Variants in REG4 observed in about 807,000 individuals in gnomAD.
REG4 encodes the protein regenerating islet-derived protein 4.
A neutral mutation model predicts 22.3 loss-of-function variants in REG4; 16 were observed. The observed-to-expected ratio is 0.72, with a 90% confidence interval of 0.49 to 1.09. The LOEUF is 1.09. Ranked by LOEUF, REG4 falls within the 50% of genes least tolerant of loss-of-function variation. REG4 has a pLI of 0.00. For missense variants in REG4, 214 were observed against 193.9 expected (o/e 1.10, Z -0.61); for synonymous variants, 71 against 69.2 (o/e 1.03, Z -0.13).
chr1:119,794,752 G>T, intron 5 of REG4, 67 bp from the exon 6 acceptor site: 2 of 1,408,426 alleles, frequency 1.4e-6, no homozygotes, highest in Non-Finnish European at 2.0e-6. Flanking sequence ...AGTTATCTGG[G>T]TGTTTTTCTT....
intron 5 of REG4, among the ~76,000 whole-genome samples, chr1:119,797,154 C>T (rs1653957907): frequency 6.6e-6 from 1 of 151,466 alleles, no homozygotes; most frequent in African/African-American, 2.4e-5. Context: ...TTTCTCACTA[C>T]TTCCTGGGGT....
At chr1:119,802,277 G>C in intron 3 of REG4, 1 of 929,896 alleles carries the variant, frequency 1.1e-6, no homozygotes, top group Non-Finnish European at 1.3e-6. Flanking sequence ...CTGTTTAAAT[G>C]TCGCAATCCT....
intron 4 of REG4, among the ~76,000 whole-genome samples, 189 bp from the exon 5 acceptor site, chr1:119,798,791 T>G (rs1432596747): frequency 6.6e-6 from 1 of 152,134 alleles, no homozygotes; most frequent in East Asian, 1.9e-4. Flanking sequence ...CCAATATTAC[T>G]GCAAAAAATA....
intron 4 of REG4, among the ~76,000 whole-genome samples, chr1:119,799,445 C>T (rs1411470453): frequency 1.6e-5 from 2 of 126,306 alleles, no homozygotes; most frequent in African/African-American, 5.9e-5. Flanking sequence ...CACACACACA[C>T]ACTTTTTAAG....
At chr1:119,795,150 C>T (rs587754716) in intron 5 of REG4, among the ~76,000 whole-genome samples, 1 of 152,342 alleles carries the variant, frequency 6.6e-6, no homozygotes, top group South Asian at 2.1e-4. Context: ...CATCCAACTA[C>T]TTCTGTTTCC....
intron 4 of REG4, among the ~76,000 whole-genome samples, chr1:119,799,068 T>C (rs1179964522): frequency 6.6e-6 from 1 of 152,138 alleles, no homozygotes; most frequent in Non-Finnish European, 1.5e-5. Context: ...AACGAATGTG[T>C]GGTATCTTCA....
intron 3 of REG4, chr1:119,802,599 G>A: frequency 8.3e-6 from 11 of 1,321,772 alleles, no homozygotes; most frequent in Non-Finnish European, 1.1e-5. Context: ...TTTGTGGACT[G>A]TGTAGAGCAG....
At chr1:119,807,486 T>C (rs1472450770) in intron 2 of REG4, among the ~76,000 whole-genome samples, 2 of 152,168 alleles carry the variant, frequency 1.3e-5, no homozygotes, top group Admixed American at 6.5e-5. Flanking sequence ...CCCCAGGATA[T>C]AGCTTGGGCA....
intron 5 of REG4, among the ~76,000 whole-genome samples, chr1:119,796,825 C>G (rs1027430350): frequency 6.6e-6 from 1 of 152,178 alleles, no homozygotes; most frequent in Non-Finnish European, 1.5e-5. Context: ...AACTTCGCTA[C>G]TGAATTTTGC....
At chr1:119,797,351 A>C (rs587776116) in intron 5 of REG4, among the ~76,000 whole-genome samples, 1 of 152,296 alleles carries the variant, frequency 6.6e-6, no homozygotes, top group East Asian at 1.9e-4. Flanking sequence ...ATGGCTGTTT[A>C]TCTCTGAGGG....
chr1:119,799,571 C>T (rs1654036254), intron 4 of REG4, among the ~76,000 whole-genome samples, 154 bp downstream of exon 4: 2 of 152,206 alleles, frequency 1.3e-5, no homozygotes, highest in South Asian at 4.1e-4. Flanking sequence ...GAACTGGGCC[C>T]CTGACCTTGA....
chr1:119,794,415 G>T lies in REG4; in HGVS notation c.*203C>A. 1 of 639,392 alleles carries T rather than the reference G, an allele frequency of 1.6e-6. No homozygotes were observed. Among genetic ancestry groups the T allele is most frequent in the Non-Finnish European group, 2.8e-6 (1 of 352,568 alleles). 39.6% of individuals were successfully genotyped at this position (639,392 alleles called of 1,614,324 possible). A position where few individuals can be genotyped will look rare whatever the true frequency, so the allele number is the denominator to read the frequency against. On this transcript the variant is annotated 3_prime_UTR_variant, in exon 6 of 6. Transcript: ENST00000256585. Reference sequence around the variant, plus strand: ...GAAGGATACTGTGGAAAGGGATGGCGGGGCAAACATTTAGAGCTAGAAGCC... The same window carrying T: ...GAAGGATACTGTGGAAAGGGATGGCTGGGCAAACATTTAGAGCTAGAAGCC...
At chr1:119,810,987 G>C (rs1195773517) in intron 1 of REG4, among the ~76,000 whole-genome samples, 1 of 152,188 alleles carries the variant, frequency 6.6e-6, no homozygotes, top group Non-Finnish European at 1.5e-5. Flanking sequence ...CTGGGAGGCA[G>C]AAGTTGCAGT....
intron 2 of REG4, 85 bp from the exon 3 acceptor site, chr1:119,803,250 C>A (rs1654179927): frequency 5.8e-6 from 8 of 1,374,222 alleles, no homozygotes; most frequent in Non-Finnish European, 7.7e-6. Flanking sequence ...ATCAGGAACC[C>A]CTTGAATGAA....
At chr1:119,808,594 C>A in intron 2 of REG4, 109 bp downstream of exon 2, 2 of 749,968 alleles carry the variant, frequency 2.7e-6, no homozygotes, top group Non-Finnish European at 4.5e-6. Flanking sequence ...GTTTAAAAAC[C>A]TATTTCCTGC....
rs1332919613 is a variant in REG4, at chr1:119,808,874, T to C, written c.-94-11A>G. 1 of 735,462 alleles carries C rather than the reference T, an allele frequency of 1.4e-6. No individual in the cohort carries two copies. Among genetic ancestry groups the C allele is most frequent in the East Asian group, 2.7e-5 (1 of 36,638 alleles). The allele number at this position is 735,462 out of a possible 1,614,324, so 45.6% of individuals were successfully genotyped here. ...CCTTGATCTGCAAATCTGAACACAT[T>C]TGCACAGGTGAGAAGGACCCAGGAA... is the stretch of plus-strand genomic sequence containing the variant. On this transcript the variant is annotated splice_polypyrimidine_tract_variant and intron_variant, in intron 1 of 5. Coordinates refer to ENST00000256585, the MANE Select transcript of REG4 (RefSeq NM_032044.4).
In REG4 at chr1:119,794,098, A is replaced by G. The variant is rs771550106; in HGVS notation, c.*520T>C. The G allele has an allele frequency of 3.8e-6, 2 of 533,160 alleles. No individual in the cohort carries two copies. The highest frequency in any genetic ancestry group is 7.7e-6 in the Non-Finnish European group (2 of 259,832). 33.0% of individuals were successfully genotyped at this position (533,160 alleles called of 1,614,324 possible). A position where few individuals can be genotyped will look rare whatever the true frequency, so the allele number is the denominator to read the frequency against. On this transcript the variant is annotated 3_prime_UTR_variant, in exon 6 of 6. Coordinates refer to ENST00000256585, the MANE Select transcript of REG4 (RefSeq NM_032044.4). ...AACACAGCAACCTCTTATGTACACAATGGTTTATTAAAGGAATGTATGGCC... is the reference window on the plus strand; with the variant it reads ...AACACAGCAACCTCTTATGTACACAGTGGTTTATTAAAGGAATGTATGGCC...
chr1:119,805,108 C>T (rs145745673), intron 2 of REG4, among the ~76,000 whole-genome samples: 29 of 152,194 alleles, frequency 1.9e-4, no homozygotes, highest in Non-Finnish European at 2.5e-4. Context: ...TTTATAAAAA[C>T]GAGAAATTCA....
At chr1:119,806,331 G>T (rs1654317500) in intron 2 of REG4, among the ~76,000 whole-genome samples, 1 of 152,092 alleles carries the variant, frequency 6.6e-6, no homozygotes, top group Non-Finnish European at 1.5e-5. Flanking sequence ...TAATAACCCT[G>T]TCATTATTCC....
Sources: allele counts gnomAD v4.1 joint callset (sites outside exome capture counted in the v4.1 genomes callset), GRCh38; gene constraint gnomAD v4.1.1; transcripts MANE v1.5; gene names NCBI Gene and HGNC (gene_info 2026-07-23, HGNC 2026-07-21).